Variants in PPM1H observed in about 807,000 individuals in gnomAD.
PPM1H encodes the protein protein phosphatase, Mg2+/Mn2+ dependent 1H, also known as protein phosphatase 1H.
In PPM1H, 27 loss-of-function variants were observed where a neutral mutation model predicts 54.9. The observed-to-expected ratio is 0.49, with a 90% confidence interval of 0.36 to 0.68. PPM1H has a LOEUF of 0.68. Among genes scored for constraint, PPM1H ranks in the 30% least tolerant of loss-of-function variants. The pLI is 0.00. For synonymous variants in PPM1H, 305 were observed against 270.8 expected, an observed-to-expected ratio of 1.13 and a Z score of -1.24; for missense variants, 596 against 667.8, an observed-to-expected ratio of 0.89 and a Z score of 1.19.
chr12:62,666,502 C>A (rs762677264), intron 9 of PPM1H, among the ~76,000 whole-genome samples: 1 of 152,176 alleles, frequency 6.6e-6, no homozygotes, highest in Non-Finnish European at 1.5e-5. Flanking sequence ...AGAAACAATT[C>A]TCCAATGGAT....
intron 6 of PPM1H, among the ~76,000 whole-genome samples, chr12:62,705,178 T>C (rs1269189897): frequency 6.6e-6 from 1 of 152,244 alleles, no homozygotes; most frequent in Non-Finnish European, 1.5e-5. Flanking sequence ...CGATATTTTC[T>C]TTCTATCCTG....
At chr12:62,837,960 C>G (rs1374694415) in intron 1 of PPM1H, among the ~76,000 whole-genome samples, 1 of 152,202 alleles carries the variant, frequency 6.6e-6, no homozygotes, top group Non-Finnish European at 1.5e-5. Flanking sequence ...TCTGAGCCCT[C>G]TTCTCAAGCC....
At chr12:62,711,467 GGTAA>G (rs1435976624) in intron 6 of PPM1H, among the ~76,000 whole-genome samples, 1 of 152,108 alleles carries the variant, frequency 6.6e-6, no homozygotes, top group African/African-American at 2.4e-5. Context: ...TCAAATAGAT[GGTAA>G]GTGTCTACAG....
At chr12:62,726,551 A>G (rs2076290487) in intron 5 of PPM1H, among the ~76,000 whole-genome samples, 1 of 152,156 alleles carries the variant, frequency 6.6e-6, no homozygotes, top group Non-Finnish European at 1.5e-5. Flanking sequence ...TTCTTGTTCT[A>G]ATAATTTTAG....
At position 62,647,627 on chromosome 12, in the gene PPM1H, A is replaced by T. The variant is rs1384271851; in HGVS notation, c.*862T>A. ...GAGCCACACAGGAAGACCACTGAAG[A>T]CAACAGAGGAACTACTGGTCCACAG... is the stretch of plus-strand genomic sequence containing the variant. On this transcript the variant is annotated 3_prime_UTR_variant, in exon 10 of 10. Coordinates refer to ENST00000228705, the MANE Select transcript of PPM1H (RefSeq NM_020700.2). 1 of 152,236 alleles carries T rather than the reference A, an allele frequency of 6.6e-6. No individual in the cohort carries two copies. Among genetic ancestry groups the T allele is most frequent in the African/African-American group, 2.4e-5 (1 of 41,446 alleles). 9.4% of individuals were successfully genotyped at this position (152,236 alleles called of 1,614,324 possible).
In PPM1H at chr12:62,934,859, C is replaced by G. The variant is rs1872278783; in HGVS notation, c.-123G>C. ...CACGGCGAGTCGGGCCACTGGGACGCGCCGCGCGCGGCTCCCAGAGCCTAG... is the reference window on the plus strand; with the variant it reads ...CACGGCGAGTCGGGCCACTGGGACGGGCCGCGCGCGGCTCCCAGAGCCTAG... On this transcript the variant is annotated 5_prime_UTR_variant, in exon 1 of 10. Transcript: ENST00000228705. This position sits in a 1 kb window ranked among gnomAD's most constrained non-coding sequence, Gnocchi z 4.2. 2.0e-6 allele frequency: 2 copies of G among 1,007,410 alleles called. No homozygotes were observed. The highest frequency in any genetic ancestry group is 1.3e-6 in the Non-Finnish European group (1 of 787,482). The allele number at this position is 1,007,410 out of a possible 1,614,324, so 62.4% of individuals were successfully genotyped here.
At chr12:62,840,082 A>AGAGAGC (rs1555200502) in intron 1 of PPM1H, 133 of 125,314 alleles carry the variant, frequency 1.1e-3, no homozygotes, top group African/African-American at 4.5e-3. Context: ...AGAGAGAGAG[A>AGAGAGC]GAGCGAGAGA....
At chr12:62,917,834 G>C (rs1164355361) in intron 1 of PPM1H, among the ~76,000 whole-genome samples, 2 of 151,876 alleles carry the variant, frequency 1.3e-5, no homozygotes, top group African/African-American at 4.8e-5. Flanking sequence ...CTAAGCAAGG[G>C]GATTAGTTTC....
At chr12:62,892,240 T>C (rs1870824125) in intron 1 of PPM1H, among the ~76,000 whole-genome samples, 1 of 152,224 alleles carries the variant, frequency 6.6e-6, no homozygotes. Flanking sequence ...AGCAGGAAGT[T>C]TGATAAATTG....
intron 3 of PPM1H, 114 bp from the exon 4 acceptor site, chr12:62,788,452 G>T: frequency 1.5e-6 from 1 of 666,382 alleles, no homozygotes. Flanking sequence ...GAAGGGACTA[G>T]AAAAATCTTT....
At chr12:62,845,748 A>T (rs1179691516) in intron 1 of PPM1H, among the ~76,000 whole-genome samples, 1 of 152,074 alleles carries the variant, frequency 6.6e-6, no homozygotes, top group Non-Finnish European at 1.5e-5. Context: ...TACAGTACAG[A>T]TCTCTGGGGG....
chr12:62,715,978 G>A lies in PPM1H; in HGVS notation c.1073+4193C>T, dbSNP rs554424577. ...CCTGCTTAAATGTACACCGAAGCTC[G>A]AAACTGAATGATCATGTCTAATTAT... On this transcript the variant is annotated intron_variant, in intron 6 of 9. Coordinates refer to ENST00000228705, the MANE Select transcript of PPM1H (RefSeq NM_020700.2). Among the ~76,000 whole-genome samples the A allele has an allele frequency of 3.9e-5, 6 of 152,230 alleles. No homozygotes were observed. In the East Asian group the frequency reaches 5.8e-4, roughly 15 times the overall value.
intron 3 of PPM1H, among the ~76,000 whole-genome samples, chr12:62,800,686 C>T (rs1341500899): frequency 6.6e-6 from 1 of 152,198 alleles, no homozygotes; most frequent in Non-Finnish European, 1.5e-5. Context: ...CTAACTCAAG[C>T]CCTTATAAAT....
intron 9 of PPM1H, among the ~76,000 whole-genome samples, chr12:62,649,207 TTTTTAA>T (rs778183253): frequency 1.9e-4 from 29 of 151,752 alleles, no homozygotes; most frequent in Non-Finnish European, 2.9e-4. Flanking sequence ...TTGGTTTTTT[TTTTTAA>T]TTTATTTAAT....
rs117168011 is a variant in PPM1H at position 62,840,982 on chromosome 12, A to G, written c.246-8703T>C. On this transcript the variant is annotated intron_variant, in intron 1 of 9. Transcript: ENST00000228705. ...ACAATGGCTCTCGGTGGAAGGGAAG[A>G]GAGTAGGCGAATGAACCGAGAAGTC... 7.5e-3 allele frequency among the ~76,000 whole-genome samples: 1,135 copies of G among 151,590 alleles called. 7 individuals carry two copies. Among genetic ancestry groups the G allele is most frequent in the Non-Finnish European group, 0.013 (848 of 67,774 alleles).
intron 4 of PPM1H, among the ~76,000 whole-genome samples, chr12:62,738,902 C>T (rs1430904825): frequency 6.6e-6 from 1 of 151,652 alleles, no homozygotes; most frequent in Admixed American, 6.6e-5. Context: ...CTATAAATGG[C>T]TGCAGCTGTC....
chr12:62,664,512 T>G (rs1265369908), intron 9 of PPM1H, among the ~76,000 whole-genome samples: 3 of 152,238 alleles, frequency 2.0e-5, no homozygotes, highest in Non-Finnish European at 4.4e-5. Context: ...AGCCTAAAGT[T>G]AAACACCATT....
chr12:62,806,915 TC>T (rs1250805814), intron 2 of PPM1H, among the ~76,000 whole-genome samples: 1 of 152,140 alleles, frequency 6.6e-6, no homozygotes, highest in African/African-American at 2.4e-5. Flanking sequence ...AAGGAGAAAT[TC>T]TTAGTACTAC....
intron 3 of PPM1H, 53 bp from the exon 4 acceptor site, chr12:62,788,391 C>T (rs2076685584): frequency 8.9e-7 from 1 of 1,124,138 alleles, no homozygotes; most frequent in African/African-American, 1.5e-5. Context: ...GTAGCAAAAG[C>T]TTTCTCACTT....
Sources: allele counts gnomAD v4.1 joint callset (sites outside exome capture counted in the v4.1 genomes callset), GRCh38; gene constraint gnomAD v4.1.1; non-coding constraint Gnocchi (gnomAD v3.1); transcripts MANE v1.5; gene names NCBI Gene and HGNC (gene_info 2026-07-23, HGNC 2026-07-21).